Variants in PCGF3 observed in about 807,000 individuals in gnomAD.
PCGF3 encodes the protein polycomb group ring finger 3, also known as polycomb group RING finger protein 3.
In PCGF3, 7 loss-of-function variants were observed where a neutral mutation model predicts 33.1. The observed-to-expected ratio is 0.21, with a 90% CI of 0.12 to 0.40. The LOEUF is 0.40. Among genes scored for constraint, PCGF3 ranks in the 10% least tolerant of loss-of-function variants. PCGF3 has a pLI of 1.00. For missense variants in PCGF3, 211 were observed against 313.3 expected (o/e 0.67, Z 2.46); for synonymous variants, 153 against 121.3 (o/e 1.26, Z -1.72).
chr4:765,891 C>G, intron 10 of PCGF3, 141 bp from the exon 11 acceptor site: 1 of 714,410 alleles, frequency 1.4e-6, no homozygotes, highest in Non-Finnish European at 2.4e-6. Context: ...TTCTGTTGCT[C>G]AGAACAGAAG....
chr4:750,801 G>T (rs1175184742), intron 8 of PCGF3, among the ~76,000 whole-genome samples: 1 of 152,018 alleles, frequency 6.6e-6, no homozygotes, highest in African/African-American at 2.4e-5. Flanking sequence ...TGGTTCTTAC[G>T]TAGTTTTGAT....
chr4:736,445 T>C (rs1173127342), intron 5 of PCGF3, among the ~76,000 whole-genome samples: 2 of 152,162 alleles, frequency 1.3e-5, no homozygotes, highest in East Asian at 1.9e-4. Flanking sequence ...AAGCACTTGG[T>C]GGGAGGGGCA....
exon 11 of PCGF3, chr4:770,021 T>C (rs1038326277): frequency 6.5e-6 from 1 of 152,686 alleles, no homozygotes; most frequent in Non-Finnish European, 1.5e-5. Context: ...TTTATGATAG[T>C]GAAGCTTGTA....
chr4:761,622 A>C (rs886303627), intron 9 of PCGF3: 1 of 972,044 alleles, frequency 1.0e-6, no homozygotes, highest in Non-Finnish European at 1.2e-6. Flanking sequence ...GGAACGTGGA[A>C]TGCTACTGTG....
chr4:761,488 T>C, intron 9 of PCGF3, 72 bp downstream of exon 9: 1 of 1,462,128 alleles, frequency 6.8e-7, no homozygotes, highest in Non-Finnish European at 9.2e-7. Flanking sequence ...CAAGATTCTT[T>C]GCTTAGTTTT....
intron 1 of PCGF3, among the ~76,000 whole-genome samples, chr4:706,233 G>C (rs1742291991): frequency 1.3e-5 from 2 of 149,378 alleles, no homozygotes; most frequent in African/African-American, 5.0e-5. Context: ...GGAGGGCTGG[G>C]ACTCCAGCCT....
At chr4:766,168 T>G in exon 11 of PCGF3, 1 of 1,033,704 alleles carries the variant, frequency 9.7e-7, no homozygotes, top group Non-Finnish European at 1.5e-6. Flanking sequence ...CTGGGTGTCA[T>G]GTGGACCAGA....
exon 11 of PCGF3, chr4:769,911 A>AGTTTACATTTTTTATGCTTTGTGTT (rs1745553005): frequency 6.6e-6 from 1 of 152,558 alleles, no homozygotes; most frequent in Non-Finnish European, 1.5e-5. Context: ...TTAATTTGAA[A>AGTTTACATTTTTTATGCTTTGTGTT]GTTTACATTT....
intron 9 of PCGF3, among the ~76,000 whole-genome samples, chr4:764,120 G>A (rs1745224468): frequency 6.6e-6 from 1 of 152,120 alleles, no homozygotes; most frequent in African/African-American, 2.4e-5. Context: ...TGCCACCAGG[G>A]CGACCTGACA....
chr4:754,805 C>T (rs780228558), intron 8 of PCGF3, among the ~76,000 whole-genome samples: 18 of 152,228 alleles, frequency 1.2e-4, no homozygotes, highest in East Asian at 3.9e-4. Flanking sequence ...GCTGCCTGCA[C>T]GGCCAGGGTG....
intron 1 of PCGF3, among the ~76,000 whole-genome samples, chr4:728,472 G>A (rs565449418): frequency 3.3e-5 from 5 of 152,110 alleles, no homozygotes; most frequent in East Asian, 1.9e-4. Context: ...TGGGGATGGC[G>A]TAGAGCGCGT....
intron 9 of PCGF3, among the ~76,000 whole-genome samples, chr4:764,156 T>C (rs35333201): frequency 0.4 from 60,952 of 152,050 alleles, 13,239 homozygotes; most frequent in African/African-American, 0.57. Flanking sequence ...GTGGAGGTGA[T>C]GTCAGTGCAG....
At chr4:710,228 G>A (rs774006661) in intron 1 of PCGF3, among the ~76,000 whole-genome samples, 1 of 152,218 alleles carries the variant, frequency 6.6e-6, no homozygotes, top group Non-Finnish European at 1.5e-5. Flanking sequence ...TCCTCTGAAG[G>A]CTGGACTGGG....
chr4:742,435 G>T (rs967004132), intron 6 of PCGF3, among the ~76,000 whole-genome samples: 2 of 152,218 alleles, frequency 1.3e-5, no homozygotes, highest in African/African-American at 4.8e-5. Context: ...GTTTGGTGAA[G>T]AATTCCTTGG....
intron 1 of PCGF3, among the ~76,000 whole-genome samples, chr4:730,010 G>T (rs1743485443): frequency 6.6e-6 from 1 of 152,082 alleles, no homozygotes; most frequent in Admixed American, 6.5e-5. Flanking sequence ...GTGGTCCCCT[G>T]GTCCCGGGTG....
At chr4:708,937 G>A (rs532764348) in intron 1 of PCGF3, among the ~76,000 whole-genome samples, 12 of 152,316 alleles carry the variant, frequency 7.9e-5, no homozygotes, top group Middle Eastern at 6.8e-3. Flanking sequence ...GGCTGGGGAC[G>A]GGGGTTGGTT....
chr4:762,733 C>G (rs564564446), intron 9 of PCGF3: 1 of 152,380 alleles, frequency 6.6e-6, no homozygotes. Context: ...GTGCTTCTCC[C>G]CTGGAGCCTG....
intron 5 of PCGF3, among the ~76,000 whole-genome samples, chr4:735,252 C>G (rs990351134): frequency 2.0e-5 from 3 of 152,216 alleles, no homozygotes; most frequent in African/African-American, 4.8e-5. Context: ...ACATTTCCAT[C>G]AATACTTAGG....
intron 1 of PCGF3, among the ~76,000 whole-genome samples, chr4:723,095 G>A (rs1255375037): frequency 3.4e-5 from 5 of 148,392 alleles, no homozygotes; most frequent in Admixed American, 6.7e-5. Context: ...CACCCGCGCC[G>A]GGTCCACACT....
Sources: allele counts gnomAD v4.1 joint callset (sites outside exome capture counted in the v4.1 genomes callset), GRCh38; gene constraint gnomAD v4.1.1; transcripts MANE v1.5; gene names NCBI Gene and HGNC (gene_info 2026-07-23, HGNC 2026-07-21).